Variants in SLC2A5 observed in about 807,000 individuals in gnomAD.
SLC2A5 encodes solute carrier family 2 member 5.
In SLC2A5, 56 loss-of-function variants were observed where a neutral mutation model predicts 50.3. That is an observed-to-expected ratio of 1.11 (90% CI 0.90 to 1.39). SLC2A5 has a LOEUF of 1.39. Among genes scored for constraint, SLC2A5 ranks in the 40% most tolerant of loss-of-function variants. The pLI is 0.00. For synonymous variants in SLC2A5, 269 were observed against 281.9 expected, an observed-to-expected ratio of 0.95 and a Z score of 0.46; for missense variants, 566 against 650.1, an observed-to-expected ratio of 0.87 and a Z score of 1.41.
intron 1 of SLC2A5, among the ~76,000 whole-genome samples, chr1:9,088,140 C>A (rs1001741018): frequency 8.5e-5 from 13 of 152,074 alleles, no homozygotes; most frequent in Admixed American, 8.5e-4. Flanking sequence ...CTCCCTATGC[C>A]AAGCTTGCAC....
rs1398887798 is a variant in SLC2A5, at chr1:9,040,399, C to T, written c.572-210G>A. 4 of 596,760 alleles carry T rather than the reference C, an allele frequency of 6.7e-6. No homozygotes were observed. Among genetic ancestry groups the T allele is most frequent in the Non-Finnish European group, 1.2e-5 (4 of 343,528 alleles). The allele number at this position is 596,760 out of a possible 1,614,324, so 37.0% of individuals were successfully genotyped here. A position where few individuals can be genotyped will look rare whatever the true frequency, so the allele number is the denominator to read the frequency against. ...AGCAGCGACGCACCCCTGCGCCCAT[C>T]AGACAGACCACACCGACGAGGCCGG... On this transcript the variant is annotated intron_variant, in intron 5 of 11. Coordinates refer to ENST00000377424, the MANE Select transcript of SLC2A5 (RefSeq NM_003039.3). The surrounding 1 kb of genome is among the most constrained non-coding windows in gnomAD (Gnocchi z 4.3).
chr1:9,049,567 C>T (rs991299146), intron 3 of SLC2A5, among the ~76,000 whole-genome samples: 9 of 151,834 alleles, frequency 5.9e-5, no homozygotes, highest in African/African-American at 1.9e-4. Context: ...GTCTCTACTA[C>T]AGCCACGCAC....
rs955867316 is a variant in SLC2A5, at chr1:9,039,559, A to G, written c.989T>C (p.Phe330Ser). ...AGCTCCCAGGACACTCACGGCGCAG[A>G]AGGTCATGACCACGTTCACGGCCCC... The part of the protein sequence containing the change: ...GTGAVNVVMT[F>S]CAVFVVELLG... Residue 330 changes from phenylalanine to serine, a missense_variant, in exon 8 of 12, where the codon TTC (phenylalanine) becomes TCC (serine). Physicochemically the swap from Phe to Ser is radical, Grantham distance 155. Transcript: ENST00000377424. The G allele has an allele frequency of 4.2e-5, 66 of 1,570,456 alleles. 1 individual carries two copies. Among genetic ancestry groups the G allele is most frequent in the Non-Finnish European group, 4.7e-5 (54 of 1,158,804 alleles).
chr1:9,094,046 C>A, the SLC2A5 span, among the ~76,000 whole-genome samples: 2 of 152,210 alleles, frequency 1.3e-5, no homozygotes, highest in Non-Finnish European at 2.9e-5. Context: ...GCCCCTTTTA[C>A]AACAAGCCTC....
intron 10 of SLC2A5, 143 bp downstream of exon 10, chr1:9,038,288 A>G: frequency 1.4e-6 from 1 of 713,424 alleles, no homozygotes; most frequent in African/African-American, 1.7e-5. Flanking sequence ...ATTATGTGCC[A>G]CCCACCCCCT....
intron 1 of SLC2A5, among the ~76,000 whole-genome samples, chr1:9,060,145 TACACACTAC>T (rs972776652): frequency 1.5e-5 from 2 of 134,996 alleles, no homozygotes; most frequent in Non-Finnish European, 3.2e-5. Flanking sequence ...ACACACTACA[TACACACTAC>T]ACACACTACA....
At chr1:9,049,552 T>C (rs1309882503) in intron 3 of SLC2A5, among the ~76,000 whole-genome samples, 1 of 151,602 alleles carries the variant, frequency 6.6e-6, no homozygotes, top group African/African-American at 2.4e-5. Context: ...TGGTGAAACC[T>C]CGTCGTCTCT....
chr1:9,077,737 CAGGGAGAGAGGGAGGG>C (rs1302951153), intron 2 of SLC2A5, among the ~76,000 whole-genome samples: 2 of 75,906 alleles, frequency 2.6e-5, no homozygotes, highest in African/African-American at 1.2e-4. Flanking sequence ...AAGGGTGAAA[CAGGGAGAGAGGGAGGG>C]AGGGAGAGAG....
chr1:9,043,053 A>T (rs1641345753), intron 4 of SLC2A5, among the ~76,000 whole-genome samples: 1 of 152,186 alleles, frequency 6.6e-6, no homozygotes, highest in South Asian at 2.1e-4. Flanking sequence ...CAGCTTCCAA[A>T]GTATTTTCAC....
rs780886767 is a variant in SLC2A5 at position 9,047,773 on chromosome 1, T to C, written c.294-39A>G. 5 of 1,603,606 alleles carry C rather than the reference T, an allele frequency of 3.1e-6. No homozygotes were observed. In the East Asian group the frequency reaches 1.1e-4, roughly 36 times the overall value. On this transcript the variant is annotated intron_variant, in intron 3 of 11. Coordinates refer to ENST00000377424, the MANE Select transcript of SLC2A5 (RefSeq NM_003039.3). ...AATATCAGTTAGTTTTGCTGAAGAA[T>C]TCACTCTTTCATTCAAGAAATGTTT...
chr1:9,070,229 C>A (rs899352447), upstream of SLC2A5, among the ~76,000 whole-genome samples: 2 of 151,766 alleles, frequency 1.3e-5, no homozygotes, highest in East Asian at 3.9e-4. Flanking sequence ...TACAGGCGTG[C>A]ACTACCACGC....
rs1569839664 is a variant in SLC2A5 at position 9,040,276 on chromosome 1, C to T, written c.572-87G>A. 6.8e-7 allele frequency: 1 copy of T among 1,465,684 alleles called. No individual in the cohort carries two copies. The highest frequency in any genetic ancestry group is 2.5e-5 in the East Asian group (1 of 40,416). 90.8% of individuals were successfully genotyped at this position (1,465,684 alleles called of 1,614,324 possible). A position where few individuals can be genotyped will look rare whatever the true frequency, so the allele number is the denominator to read the frequency against. On this transcript the variant is annotated intron_variant, in intron 5 of 11. Coordinates refer to ENST00000377424, the MANE Select transcript of SLC2A5 (RefSeq NM_003039.3). The surrounding 1 kb of genome is among the most constrained non-coding windows in gnomAD (Gnocchi z 4.3). The stretch of plus-strand genomic sequence containing the variant: ...CAGAGCCGGCCCCAGCCCCGTCATC[C>T]TGAGTGGGGTGCAGGCTCCAGGAGG...
intron 1 of SLC2A5, among the ~76,000 whole-genome samples, chr1:9,062,332 TGAG>T (rs1342691170): frequency 4.6e-5 from 7 of 152,018 alleles, no homozygotes; most frequent in Non-Finnish European, 8.8e-5. Context: ...ATATTTCAGC[TGAG>T]GAGAGGAAGG....
chr1:9,087,709 T>G (rs748428676), intron 1 of SLC2A5, among the ~76,000 whole-genome samples: 12 of 152,074 alleles, frequency 7.9e-5, no homozygotes, highest in Non-Finnish European at 1.6e-4. Context: ...GGACAATTAA[T>G]CTGAAGGGGA....
In SLC2A5 at chr1:9,037,936, G is replaced by A; in HGVS notation, c.1263C>T (p.Leu421=). Reference sequence around the variant, plus strand: ...AGATCAAGCCCACGGTGAAGTTGGAGAGCCAGTGCACACTGCCCCCCACCA... The same window carrying A: ...AGATCAAGCCCACGGTGAAGTTGGAAAGCCAGTGCACACTGCCCCCCACCA... ...AFMVGGSVHW[L]SNFTVGLIFP... is the part of the protein sequence containing the mutation. The change falls in exon 11 of 12, where the codon CTC becomes CTT. Residue 421 remains leucine (L), a synonymous_variant. Transcript: ENST00000377424. The A allele has an allele frequency of 6.2e-7, 1 of 1,613,960 alleles. No homozygotes were observed. Among genetic ancestry groups the A allele is most frequent in the Non-Finnish European group, 8.5e-7 (1 of 1,180,030 alleles).
At chr1:9,039,403 C>G (rs1328028466) in intron 8 of SLC2A5, 149 bp downstream of exon 8, 4 of 601,870 alleles carry the variant, frequency 6.6e-6, no homozygotes, top group Non-Finnish European at 8.5e-6. Context: ...GGGGCTGGTG[C>G]GGGGCCACCT....
At position 9,037,968 on chromosome 1, in the gene SLC2A5, C is replaced by T; in HGVS notation, c.1231G>A (p.Ala411Thr). Reference sequence around the variant, plus strand: ...TGCACACTGCCCCCCACCATGAAGGCAGATGGCCGAGAGGACTGCAGGAAG... The same window carrying T: ...TGCACACTGCCCCCCACCATGAAGGTAGATGGCCGAGAGGACTGCAGGAAG... ...EIFLQSSRPS[A>T]FMVGGSVHWL... The change falls in exon 11 of 12, where the codon GCC becomes ACC. Residue 411 changes from alanine (A) to threonine (T), a missense_variant. Transcript: ENST00000377424. The T allele has an allele frequency of 6.2e-7, 1 of 1,614,034 alleles. No homozygotes were observed. The highest frequency in any genetic ancestry group is 1.3e-5 in the African/African-American group (1 of 75,062).
intron 2 of SLC2A5, 49 bp from the exon 3 acceptor site, chr1:9,057,657 G>T: frequency 1.3e-6 from 2 of 1,561,438 alleles, no homozygotes; most frequent in Non-Finnish European, 1.8e-6. Context: ...ATCCGGTTTT[G>T]CAAGAAGAAC....
chr1:9,040,004 C>T lies in SLC2A5; in HGVS notation c.698-17G>A, dbSNP rs200453525. ...TCTGTAGGGCTGGGGAGAAGCGGCA[C>T]CGTCGGACCAGGGCTGGGGAGCAGA... On this transcript the variant is annotated splice_polypyrimidine_tract_variant and intron_variant, in intron 6 of 11. Transcript: ENST00000377424. The surrounding 1 kb of genome is among the most constrained non-coding windows in gnomAD (Gnocchi z 4.3). 3.5e-5 allele frequency: 56 copies of T among 1,599,228 alleles called. 1 individual carries two copies. The Admixed American group carries it at 6.8e-4, about 19-fold the overall frequency.
Sources: allele counts gnomAD v4.1 joint callset (sites outside exome capture counted in the v4.1 genomes callset), GRCh38; gene constraint gnomAD v4.1.1; non-coding constraint Gnocchi (gnomAD v3.1); transcripts MANE v1.5; gene names NCBI Gene and HGNC (gene_info 2026-07-23, HGNC 2026-07-21).